PPP2R2C: variants seen among roughly 807,000 people sequenced by gnomAD.
The protein encoded by PPP2R2C is protein phosphatase 2 regulatory subunit Bgamma.
PPP2R2C carries 10 observed loss-of-function variants against 45.3 expected under a neutral mutation model. The ratio of observed to expected loss-of-function variants is 0.22; its 90% CI spans 0.14 to 0.37. The LOEUF is 0.37. Among genes scored for constraint, PPP2R2C ranks in the 10% least tolerant of loss-of-function variants. PPP2R2C has a pLI of 1.00. For synonymous variants in PPP2R2C, 257 were observed against 245.4 expected (o/e 1.05, Z -0.44); for missense variants, 308 against 619.7 (o/e 0.50, Z 5.34).
chr4:6,454,381 G>A (rs188179531), intron 1 of PPP2R2C, among the ~76,000 whole-genome samples: 1 of 152,330 alleles, frequency 6.6e-6, no homozygotes, highest in South Asian at 2.1e-4. Flanking sequence ...TGTCCCAGGG[G>A]TCAGGAAGGG....
At chr4:6,338,906 C>T (rs561811901) in intron 6 of PPP2R2C, among the ~76,000 whole-genome samples, 5 of 152,206 alleles carry the variant, frequency 3.3e-5, no homozygotes, top group Admixed American at 1.3e-4. Context: ...GCCCAGCTTC[C>T]CTCATCTGGA....
intron 1 of PPP2R2C, among the ~76,000 whole-genome samples, chr4:6,440,968 A>C (rs1720121852): frequency 6.6e-6 from 1 of 152,144 alleles, no homozygotes; most frequent in East Asian, 1.9e-4. Context: ...GCTCAGTCCC[A>C]TGGGAGCTCT....
At chr4:6,481,799 T>A (rs1722359222) in intron 2 of PPP2R2C, among the ~76,000 whole-genome samples, 1 of 151,892 alleles carries the variant, frequency 6.6e-6, no homozygotes, top group African/African-American at 2.4e-5. Context: ...GTCAACATGA[T>A]GAGACCCCAT....
At chr4:6,340,080 C>T (rs1488802426) in intron 6 of PPP2R2C, among the ~76,000 whole-genome samples, 3 of 152,146 alleles carry the variant, frequency 2.0e-5, no homozygotes, top group African/African-American at 7.2e-5. Flanking sequence ...TACAATGGCA[C>T]AGGTGGGCAC....
Position 6,330,112 on chromosome 4 carries a change from C to G in PPP2R2C, c.961-759G>C, listed in dbSNP as rs1474929963. 6.6e-6 allele frequency among the ~76,000 whole-genome samples: 1 copy of G among 152,148 alleles called. No individual in the cohort carries two copies. The highest frequency in any genetic ancestry group is 1.5e-5 in the Non-Finnish European group (1 of 68,020). ...CCTTCCCCAGGATTCCCGTACCCCA[C>G]AGGAGAGAGGGTGACACCCCAGGAC... On this transcript the variant is annotated intron_variant, in intron 7 of 8. Coordinates refer to ENST00000382599, the MANE Select transcript of PPP2R2C (RefSeq NM_020416.4). This position sits in a 1 kb window ranked among gnomAD's most constrained non-coding sequence, Gnocchi z 7.0.
intron 1 of PPP2R2C, among the ~76,000 whole-genome samples, chr4:6,546,092 G>A (rs1346141113): frequency 6.6e-6 from 1 of 152,222 alleles, no homozygotes; most frequent in Non-Finnish European, 1.5e-5. Flanking sequence ...AGCAGCTGTC[G>A]CTGACTTAGC....
At chr4:6,365,765 T>C (rs538225867) in intron 5 of PPP2R2C, among the ~76,000 whole-genome samples, 1 of 152,306 alleles carries the variant, frequency 6.6e-6, no homozygotes, top group South Asian at 2.1e-4. Flanking sequence ...GCTCTGTAAA[T>C]GGGAATTAGA....
intron 1 of PPP2R2C, among the ~76,000 whole-genome samples, chr4:6,551,826 G>A (rs918969438): frequency 6.6e-5 from 10 of 152,202 alleles, no homozygotes; most frequent in Non-Finnish European, 1.0e-4. Flanking sequence ...AAGCGACCTC[G>A]GTGTAGGCAA....
intron 1 of PPP2R2C, among the ~76,000 whole-genome samples, chr4:6,446,752 G>A (rs1044860871): frequency 1.3e-5 from 2 of 152,062 alleles, no homozygotes; most frequent in South Asian, 2.1e-4. Flanking sequence ...CTCCCTGCTT[G>A]ATGGAATCCT....
rs143382623 is a variant in PPP2R2C at position 6,418,548 on chromosome 4, G to A, written c.71-37454C>T. The stretch of plus-strand genomic sequence containing the variant: ...ACCTCGGCCCCAGCATTCTGGCTGC[G>A]CTAGGGTAGGGTGGGATCAAATCGC... On this transcript the variant is annotated intron_variant, in intron 1 of 8. Transcript: ENST00000382599. Among the ~76,000 whole-genome samples, 58 of 152,342 alleles carry A rather than the reference G, an allele frequency of 3.8e-4. 1 individual carries two copies. The East Asian group carries it at 8.3e-3, about 22-fold the overall frequency.
At chr4:6,543,683 C>T (rs1377849155) in intron 1 of PPP2R2C, among the ~76,000 whole-genome samples, 1 of 152,182 alleles carries the variant, frequency 6.6e-6, no homozygotes, top group Non-Finnish European at 1.5e-5. Context: ...CAGCTAGGGG[C>T]CACCCAGCTT....
intron 6 of PPP2R2C, among the ~76,000 whole-genome samples, chr4:6,346,800 C>T (rs1456617239): frequency 1.3e-5 from 2 of 152,180 alleles, no homozygotes; most frequent in African/African-American, 2.4e-5. Flanking sequence ...ACAGTGTGGC[C>T]CCATCGCTCC....
At chr4:6,387,984 G>T (rs1360753191) in intron 1 of PPP2R2C, among the ~76,000 whole-genome samples, 2 of 152,346 alleles carry the variant, frequency 1.3e-5, no homozygotes, top group African/African-American at 4.8e-5. Flanking sequence ...TTTGGCATGT[G>T]CTCTTTTTGG....
At chr4:6,396,278 C>G (rs1335674842) in intron 1 of PPP2R2C, among the ~76,000 whole-genome samples, 1 of 152,212 alleles carries the variant, frequency 6.6e-6, no homozygotes, top group Non-Finnish European at 1.5e-5. Context: ...CAGCCATGCA[C>G]CTGAGCCATG....
chr4:6,368,392 C>T lies in PPP2R2C; in HGVS notation c.625+4131G>A, dbSNP rs188204848. Among the ~76,000 whole-genome samples the T allele has an allele frequency of 8.7e-4, 132 of 152,286 alleles. No homozygotes were observed. The Middle Eastern group carries it at 0.02, about 24-fold the overall frequency. On this transcript the variant is annotated intron_variant, in intron 5 of 8. Transcript: ENST00000382599. The surrounding 1 kb of genome is among the most constrained non-coding windows in gnomAD (Gnocchi z 4.2). ...CGGGTATTTTACCAATGGTTTATCACGTGTCCACTCCTGGAGGCAGAATCT... is the reference window on the plus strand; with the variant it reads ...CGGGTATTTTACCAATGGTTTATCATGTGTCCACTCCTGGAGGCAGAATCT...
chr4:6,381,602 C>T (rs1385499962), intron 1 of PPP2R2C: 13 of 1,466,106 alleles, frequency 8.9e-6, no homozygotes, highest in Admixed American at 2.6e-5. Flanking sequence ...TACCCCCTCT[C>T]CTTCAGACTC....
chr4:6,341,717 A>C (rs767803076), intron 6 of PPP2R2C, among the ~76,000 whole-genome samples: 5 of 152,162 alleles, frequency 3.3e-5, no homozygotes, highest in Non-Finnish European at 5.9e-5. Context: ...GGAAGAAGGA[A>C]GGTCAAAGAT....
intron 1 of PPP2R2C, among the ~76,000 whole-genome samples, chr4:6,402,010 T>C (rs755557737): frequency 2.6e-5 from 4 of 152,224 alleles, no homozygotes; most frequent in Non-Finnish European, 5.9e-5. Context: ...TCAACCTCTC[T>C]GTGCTTTGGC....
intron 5 of PPP2R2C, among the ~76,000 whole-genome samples, chr4:6,369,291 C>T (rs73798213): frequency 0.018 from 2,682 of 152,328 alleles, 74 homozygotes; most frequent in African/African-American, 0.059. Context: ...GCAGACGAAG[C>T]AGTCTACTAC....
Sources: gnomAD v4.1 joint callset for allele counts (sites outside exome capture counted in the v4.1 genomes callset) on GRCh38, gnomAD v4.1.1 for gene constraint, Gnocchi (gnomAD v3.1) non-coding constraint, MANE v1.5 for transcripts, NCBI Gene and HGNC (gene_info 2026-07-23, HGNC 2026-07-21) for gene names.